Variants in UHRF2 observed in about 807,000 individuals in gnomAD.
The protein encoded by UHRF2 is E3 ubiquitin-protein ligase UHRF2.
In UHRF2, 23 loss-of-function variants were observed where a neutral mutation model predicts 96.8. The observed-to-expected ratio is 0.24, with a 90% CI of 0.17 to 0.34. UHRF2 has a LOEUF of 0.34. Ranked by LOEUF, UHRF2 falls within the 10% of genes least tolerant of loss-of-function variation. The pLI is 1.00. For missense variants in UHRF2, 685 were observed against 981.5 expected, an observed-to-expected ratio of 0.70 and a Z score of 4.04; for synonymous variants, 385 against 332.6, an observed-to-expected ratio of 1.16 and a Z score of -1.72.
intron 2 of UHRF2, among the ~76,000 whole-genome samples, chr9:6,424,105 A>G (rs1370761482): frequency 7.5e-6 from 1 of 134,144 alleles, no homozygotes; most frequent in Non-Finnish European, 1.7e-5. Flanking sequence ...GAAGTACTAG[A>G]TAATGCAATT....
intron 6 of UHRF2, among the ~76,000 whole-genome samples, chr9:6,480,393 C>T (rs1257171722): frequency 1.3e-5 from 2 of 152,196 alleles, no homozygotes; most frequent in Non-Finnish European, 2.9e-5. Context: ...GAAAATAGTG[C>T]CTTGCACATA....
intron 5 of UHRF2, 142 bp from the exon 6 acceptor site, chr9:6,477,480 C>G: frequency 1.5e-6 from 1 of 663,820 alleles, no homozygotes; most frequent in Non-Finnish European, 2.4e-6. Context: ...GAGCCAAGAT[C>G]ACGCCATTGC....
At chr9:6,445,862 C>T (rs972905564) in intron 3 of UHRF2, among the ~76,000 whole-genome samples, 1 of 151,872 alleles carries the variant, frequency 6.6e-6, no homozygotes, top group African/African-American at 2.4e-5. Context: ...CTGGTCCTAG[C>T]TCTTTCTTCT....
rs1383940567 is a variant in UHRF2 at position 6,413,900 on chromosome 9, C to T, written c.153+257C>T. On this transcript the variant is annotated intron_variant, in intron 1 of 15. Transcript: ENST00000276893. ...GGCGTCCGGAGCGCAAATATCTCGC[C>T]GTTTGTATTTGGTAGGACAGCGGCC... The T allele has an allele frequency of 8.1e-6, 3 of 368,794 alleles. No homozygotes were observed. The Admixed American group carries it at 1.5e-4, about 18-fold the overall frequency. The allele number at this position is 368,794 out of a possible 1,614,324, so 22.8% of individuals were successfully genotyped here.
intron 2 of UHRF2, among the ~76,000 whole-genome samples, chr9:6,421,938 T>C (rs1274138270): frequency 6.6e-6 from 1 of 152,258 alleles, no homozygotes; most frequent in Non-Finnish European, 1.5e-5. Flanking sequence ...AGCTGTGTTT[T>C]ATTCCTTTTC....
chr9:6,470,217 A>C (rs1823161405), intron 4 of UHRF2, among the ~76,000 whole-genome samples: 1 of 152,160 alleles, frequency 6.6e-6, no homozygotes, highest in Admixed American at 6.5e-5. Context: ...TACTAAAAGG[A>C]AAAAATTTAG....
At chr9:6,463,020 G>A (rs1242883288) in intron 4 of UHRF2, among the ~76,000 whole-genome samples, 2 of 152,150 alleles carry the variant, frequency 1.3e-5, no homozygotes, top group African/African-American at 4.8e-5. Flanking sequence ...CGTGGCTCAC[G>A]CCTGTAATCC....
chr9:6,464,135 G>T (rs1457355490), intron 4 of UHRF2, among the ~76,000 whole-genome samples: 3 of 152,158 alleles, frequency 2.0e-5, no homozygotes, highest in African/African-American at 7.2e-5. Context: ...CACTAATCAG[G>T]TGGGTATGTA....
intron 2 of UHRF2, among the ~76,000 whole-genome samples, chr9:6,422,115 G>A (rs559125843): frequency 6.6e-6 from 1 of 152,324 alleles, no homozygotes; most frequent in South Asian, 2.1e-4. Flanking sequence ...AGAAGTGCTA[G>A]TTGTTCACCC....
chr9:6,500,546 A>C lies in UHRF2; in HGVS notation c.2006-6A>C. The C allele has an allele frequency of 6.2e-7, 1 of 1,603,880 alleles. No individual in the cohort carries two copies. Among genetic ancestry groups the C allele is most frequent in the Non-Finnish European group, 8.5e-7 (1 of 1,177,114 alleles). ...GTCTGCTGATACATTTTTAAAATAA[A>C]TCTAGATGACTGTCCAAGTGCCTCC... On this transcript the variant is annotated splice_region_variant and splice_polypyrimidine_tract_variant and intron_variant, in intron 13 of 15. Transcript: ENST00000276893.
intron 3 of UHRF2, among the ~76,000 whole-genome samples, chr9:6,456,626 G>T (rs1256305570): frequency 6.6e-6 from 1 of 152,086 alleles, no homozygotes; most frequent in Non-Finnish European, 1.5e-5. Context: ...GTCCAGCATG[G>T]TATTGCTTAG....
intron 11 of UHRF2, among the ~76,000 whole-genome samples, chr9:6,497,578 T>G (rs536741378): frequency 1.5e-5 from 2 of 133,276 alleles, no homozygotes; most frequent in Non-Finnish European, 3.2e-5. Flanking sequence ...TGGGTTAAGG[T>G]TTTTTTTTTT....
intron 5 of UHRF2, among the ~76,000 whole-genome samples, chr9:6,475,763 T>C (rs1401747373): frequency 6.6e-6 from 1 of 152,178 alleles, no homozygotes; most frequent in Non-Finnish European, 1.5e-5. Flanking sequence ...TATATAATAG[T>C]TGTAGATATT....
intron 3 of UHRF2, among the ~76,000 whole-genome samples, chr9:6,459,935 T>G (rs1046298080): frequency 6.6e-6 from 1 of 152,232 alleles, no homozygotes; most frequent in African/African-American, 2.4e-5. Flanking sequence ...ATCGTGTCAC[T>G]GTACTGCAGC....
At chr9:6,425,570 C>T (rs1263229187) in intron 2 of UHRF2, among the ~76,000 whole-genome samples, 1 of 151,152 alleles carries the variant, frequency 6.6e-6, no homozygotes, top group Non-Finnish European at 1.5e-5. Flanking sequence ...GCCTGGTGAA[C>T]ATGGTGAAAC....
intron 9 of UHRF2, among the ~76,000 whole-genome samples, chr9:6,488,659 G>A (rs1185579450): frequency 1.3e-5 from 2 of 149,016 alleles, no homozygotes; most frequent in Non-Finnish European, 3.0e-5. Flanking sequence ...GATTACAGGC[G>A]GCCGGTTAAT....
intron 6 of UHRF2, among the ~76,000 whole-genome samples, chr9:6,480,423 G>C (rs534397665): frequency 6.6e-6 from 1 of 152,364 alleles, no homozygotes; most frequent in South Asian, 2.1e-4. Context: ...GAACAAACCT[G>C]TTGAAGGAGT....
rs544692961 is a variant in UHRF2, at chr9:6,427,618, G to T, written c.385-6296G>T. ...GAGAATCACTTGAACCCAGGAGGTGGAGGTTTCAGTGAGCTTAGACCGCGC... is the reference window on the plus strand; with the variant it reads ...GAGAATCACTTGAACCCAGGAGGTGTAGGTTTCAGTGAGCTTAGACCGCGC... On this transcript the variant is annotated intron_variant, in intron 2 of 15. Coordinates refer to ENST00000276893, the MANE Select transcript of UHRF2 (RefSeq NM_152896.3). Among the ~76,000 whole-genome samples the T allele has an allele frequency of 8.8e-4, 134 of 152,262 alleles. 1 individual carries two copies. Among genetic ancestry groups the T allele is most frequent in the African/African-American group, 3.2e-3 (131 of 41,550 alleles).
At chr9:6,422,708 C>T in intron 2 of UHRF2, 1 of 542,072 alleles carries the variant, frequency 1.8e-6, no homozygotes. Context: ...CTGCTGGGGT[C>T]AAGTGATCTT....
Sources: gnomAD v4.1 joint callset for allele counts (sites outside exome capture counted in the v4.1 genomes callset) on GRCh38, gnomAD v4.1.1 for gene constraint, MANE v1.5 for transcripts, NCBI Gene and HGNC (gene_info 2026-07-23, HGNC 2026-07-21) for gene names.